Variants in SLAMF1 observed in about 807,000 individuals in gnomAD.
SLAMF1 encodes signaling lymphocytic activation molecule family member 1.
In SLAMF1, 18 loss-of-function variants were observed where a neutral mutation model predicts 35.1. The observed-to-expected ratio is 0.51, with a 90% CI of 0.35 to 0.76. The LOEUF (loss-of-function observed/expected upper bound fraction) is 0.76. Ranked by LOEUF, SLAMF1 falls within the 30% of genes least tolerant of loss-of-function variation. The probability of loss-of-function intolerance (pLI) is 0.01; values close to 1 mark genes in which losing one functional copy is unlikely to be tolerated. For synonymous variants in SLAMF1, 168 were observed against 157.2 expected (o/e 1.07, Z -0.51); for missense variants, 392 against 413.0 (o/e 0.95, Z 0.44).
intron 1 of SLAMF1, among the ~76,000 whole-genome samples, chr1:160,638,808 C>T (rs528249705): frequency 1.3e-5 from 2 of 152,182 alleles, no homozygotes; most frequent in Non-Finnish European, 2.9e-5. Context: ...CTCCTTCAAA[C>T]GCTGTCATCA....
chr1:160,635,131 A>C (rs1164586960), intron 2 of SLAMF1, among the ~76,000 whole-genome samples: 1 of 152,164 alleles, frequency 6.6e-6, no homozygotes, highest in Admixed American at 6.5e-5. Flanking sequence ...GGCCTCTTCT[A>C]CCAATATTGT....
At chr1:160,621,291 T>G (rs113896566) in intron 4 of SLAMF1, among the ~76,000 whole-genome samples, 2,445 of 152,252 alleles carry the variant, frequency 0.016, 24 homozygotes, top group African/African-American at 0.027. Flanking sequence ...CTGGGTGCAG[T>G]GGCTCACGCC....
At chr1:160,645,437 T>A (rs1344676420) in intron 1 of SLAMF1, among the ~76,000 whole-genome samples, 2 of 152,194 alleles carry the variant, frequency 1.3e-5, no homozygotes, top group African/African-American at 2.4e-5. Context: ...CTGGGTTGCT[T>A]CTCCCTGACC....
chr1:160,612,093 G>A (rs1200376452), intron 6 of SLAMF1, among the ~76,000 whole-genome samples: 4 of 152,048 alleles, frequency 2.6e-5, no homozygotes, highest in African/African-American at 9.7e-5. Context: ...GCCAGCAGGG[G>A]GTTAGCAGTG....
rs1660791589 is a variant in SLAMF1, at chr1:160,642,294, T to TCTAAGGCAA, written c.76+4575_76+4576insTTGCCTTAG. Reference sequence around the variant, plus strand: ...ATGTACGTTCCCTAGCCTTAGAGGCTATAACCACTCTTTATTTGCCTAGCT... The same window carrying TCTAAGGCAA: ...ATGTACGTTCCCTAGCCTTAGAGGCTCTAAGGCAAATAACCACTCTTTATTTGCCTAGCT... On this transcript the variant is annotated intron_variant, in intron 1 of 6. Coordinates refer to ENST00000302035, the MANE Select transcript of SLAMF1 (RefSeq NM_003037.5). The surrounding 1 kb of genome is among the most constrained non-coding windows in gnomAD (Gnocchi z 4.2). 6.6e-6 allele frequency among the ~76,000 whole-genome samples: 1 copy of TCTAAGGCAA among 152,240 alleles called. No homozygotes were observed. Among genetic ancestry groups the TCTAAGGCAA allele is most frequent in the Admixed American group, 6.5e-5 (1 of 15,282 alleles).
chr1:160,644,272 A>G (rs755032494), intron 1 of SLAMF1, among the ~76,000 whole-genome samples: 2 of 152,198 alleles, frequency 1.3e-5, no homozygotes, highest in Non-Finnish European at 2.9e-5. Context: ...CTTCCCAAAC[A>G]TAGGCTTGTC....
intron 5 of SLAMF1, among the ~76,000 whole-genome samples, chr1:160,612,983 C>G (rs1322867996): frequency 6.6e-6 from 1 of 152,190 alleles, no homozygotes; most frequent in Non-Finnish European, 1.5e-5. Flanking sequence ...TCCCACACTG[C>G]CATTCCTACT....
intron 6 of SLAMF1, among the ~76,000 whole-genome samples, chr1:160,612,231 T>C (rs537380772): frequency 7.5e-6 from 1 of 132,462 alleles, no homozygotes; most frequent in African/African-American, 2.5e-5. Flanking sequence ...TTCATTTAAT[T>C]TGTTTTTGTT....
intron 5 of SLAMF1, among the ~76,000 whole-genome samples, chr1:160,614,797 G>C (rs1266318304): frequency 6.6e-6 from 1 of 152,044 alleles, no homozygotes; most frequent in Non-Finnish European, 1.5e-5. Context: ...TTCACTTCAG[G>C]ATTTTTATCC....
At chr1:160,646,820 T>A (rs1661061157) in intron 1 of SLAMF1, 50 bp downstream of exon 1, 1 of 1,020,162 alleles carries the variant, frequency 9.8e-7, no homozygotes, top group East Asian at 2.4e-5. Flanking sequence ...GATACGCTGA[T>A]TCCTGGCAGC....
At chr1:160,621,947 CCCA>C (rs1659636962) in intron 4 of SLAMF1, among the ~76,000 whole-genome samples, 2 of 151,310 alleles carry the variant, frequency 1.3e-5, no homozygotes, top group African/African-American at 4.9e-5. Flanking sequence ...CAAGTTAGTC[CCCA>C]CGAGTGTTTG....
At chr1:160,623,676 G>A (rs1356498480) in intron 4 of SLAMF1, 1 of 399,940 alleles carries the variant, frequency 2.5e-6, no homozygotes, top group East Asian at 3.6e-5. Context: ...TTCAACTGCA[G>A]GGGAATAATT....
In SLAMF1 at chr1:160,642,124, C is replaced by G. The variant is rs974205746; in HGVS notation, c.77-4595G>C. On this transcript the variant is annotated intron_variant, in intron 1 of 6. Transcript: ENST00000302035. This position sits in a 1 kb window ranked among gnomAD's most constrained non-coding sequence, Gnocchi z 4.2. Reference sequence around the variant, plus strand: ...TCAGGTACAGAAGGAACAGAACTTACAGACCCCACAGTTCTTTTGGTAAAT... The same window carrying G: ...TCAGGTACAGAAGGAACAGAACTTAGAGACCCCACAGTTCTTTTGGTAAAT... Among the ~76,000 whole-genome samples, 1 of 152,224 alleles carries G rather than the reference C, an allele frequency of 6.6e-6. No homozygotes were observed. The highest frequency in any genetic ancestry group is 1.9e-4 in the East Asian group (1 of 5,198).
intron 5 of SLAMF1, among the ~76,000 whole-genome samples, chr1:160,613,102 A>G (rs912198983): frequency 6.6e-6 from 1 of 152,158 alleles, no homozygotes; most frequent in Non-Finnish European, 1.5e-5. Context: ...AGAAAGACCA[A>G]ATGTTTTCCT....
chr1:160,637,038 C>T, intron 2 of SLAMF1, 153 bp downstream of exon 2: 1 of 614,638 alleles, frequency 1.6e-6, no homozygotes, highest in South Asian at 2.1e-5. Context: ...TTTAAAACGT[C>T]TTCCATGCAG....
chr1:160,629,998 C>T (rs1570991717), intron 3 of SLAMF1, among the ~76,000 whole-genome samples: 1 of 152,206 alleles, frequency 6.6e-6, no homozygotes, highest in Non-Finnish European at 1.5e-5. Flanking sequence ...CACTGGCAGG[C>T]GTCAGCCTTT....
At position 160,646,927 on chromosome 1, in the gene SLAMF1, G is replaced by T; in HGVS notation, c.19C>A (p.Leu7Ile). 1 of 1,602,912 alleles carries T rather than the reference G, an allele frequency of 6.2e-7. No individual in the cohort carries two copies. Among genetic ancestry groups the T allele is most frequent in the South Asian group, 1.1e-5 (1 of 90,694 alleles). MDPKGL[L>I]SLTFVLFLSL... Reference sequence around the variant, plus strand: ...AGAAACAGCACGAAGGTCAAGGAGAGGAGCCCCTTGGGATCCATCAGCCAA... The same window carrying T: ...AGAAACAGCACGAAGGTCAAGGAGATGAGCCCCTTGGGATCCATCAGCCAA... Residue 7 changes from leucine to isoleucine, a missense_variant, in exon 1 of 7, where the codon CTC (leucine) becomes ATC (isoleucine). Physicochemically the swap from Leu to Ile is conservative, Grantham distance 5. Transcript: ENST00000302035.
At position 160,610,194 on chromosome 1, in the gene SLAMF1, T is replaced by G; in HGVS notation, c.*554A>C. 1 of 402,558 alleles carries G rather than the reference T, an allele frequency of 2.5e-6. No individual in the cohort carries two copies. The highest frequency in any genetic ancestry group is 4.9e-6 in the Non-Finnish European group (1 of 202,326). The allele number at this position is 402,558 out of a possible 1,614,324, so 24.9% of individuals were successfully genotyped here. On this transcript the variant is annotated 3_prime_UTR_variant, in exon 7 of 7. Transcript: ENST00000302035. ...CTTCCTTTATACAATAATATCAGAG[T>G]GTTTTATGTATAATAAGAAATTCAC...
intron 3 of SLAMF1, among the ~76,000 whole-genome samples, chr1:160,627,962 T>C (rs901802714): frequency 6.6e-6 from 1 of 152,126 alleles, no homozygotes; most frequent in Non-Finnish European, 1.5e-5. Flanking sequence ...TCTCACAAGA[T>C]CTGATGGTTT....
Sources: gnomAD v4.1 joint callset for allele counts (sites outside exome capture counted in the v4.1 genomes callset) on GRCh38, gnomAD v4.1.1 for gene constraint, Gnocchi (gnomAD v3.1) non-coding constraint, MANE v1.5 for transcripts, NCBI Gene and HGNC (gene_info 2026-07-23, HGNC 2026-07-21) for gene names.